SYNE1: variants seen among roughly 807,000 people sequenced by gnomAD.
SYNE1 encodes the protein nesprin-1.
In SYNE1, 616 loss-of-function variants were observed where a neutral mutation model predicts 1,111.0. The ratio of observed to expected loss-of-function variants is 0.55; its 90% CI spans 0.52 to 0.59. The LOEUF (loss-of-function observed/expected upper bound fraction) is 0.59, where lower values mean the gene tolerates loss of function less well. Ranked by LOEUF, SYNE1 falls within the 20% of genes least tolerant of loss-of-function variation. The pLI, the probability that SYNE1 is intolerant of heterozygous loss-of-function variation, is 0.00. For missense variants in SYNE1, 10,006 were observed against 10,417.0 expected, an observed-to-expected ratio of 0.96 and a Z score of 1.72; for synonymous variants, 3,855 against 3,825.8, an observed-to-expected ratio of 1.01 and a Z score of -0.28.
intron 91 of SYNE1, among the ~76,000 whole-genome samples, chr6:152,302,703 C>G (rs2095240466): frequency 6.6e-6 from 1 of 152,198 alleles, no homozygotes; most frequent in African/African-American, 2.4e-5. Context: ...TTGCTCACTT[C>G]ATCATGTCTC....
In SYNE1 at chr6:152,463,477, G is replaced by A; in HGVS notation, c.1973C>T (p.Thr658Ile). 6.2e-7 allele frequency: 1 copy of A among 1,613,612 alleles called. No homozygotes were observed. Among genetic ancestry groups the A allele is most frequent in the Non-Finnish European group, 8.5e-7 (1 of 1,179,680 alleles). ...RNLPHWIQQH[T>I]AMNDAGNFLI... ...AAAATTGCCAGCATCGTTCATGGCA[G>A]TATGCTGCTGAATCCAATGAGGTAA... The change falls in exon 19 of 146, where the codon ACT (threonine) becomes ATT (isoleucine). Residue 658 changes from threonine (T) to isoleucine (I), a missense_variant. By Grantham distance (89) the Thr-to-Ile change is moderately conservative. This residue lies in a region of SYNE1 where 1,971 missense variants were observed against 2,084.1 expected (regional missense o/e 0.95). Coordinates refer to ENST00000367255, the MANE Select transcript of SYNE1 (RefSeq NM_182961.4).
At chr6:152,379,301 T>G (rs922182560) in intron 56 of SYNE1, among the ~76,000 whole-genome samples, 1 of 152,104 alleles carries the variant, frequency 6.6e-6, no homozygotes, top group African/African-American at 2.4e-5. Context: ...CTTAAGAAAA[T>G]TATTTCCAAA....
At chr6:152,226,996 C>A (rs2081734127) in intron 115 of SYNE1, among the ~76,000 whole-genome samples, 1 of 152,094 alleles carries the variant, frequency 6.6e-6, no homozygotes, top group Non-Finnish European at 1.5e-5. Flanking sequence ...TTGGATAACA[C>A]CTCAATTGTA....
Position 152,331,213 on chromosome 6 carries a change from T to C in SYNE1, c.13472A>G (p.Lys4491Arg), listed in dbSNP as rs1296220888. The change falls in exon 78 of 146, where the codon AAA (lysine) becomes AGA (arginine). Residue 4491 changes from lysine to arginine, a missense_variant. By Grantham distance (26) the Lys-to-Arg change is conservative. Coordinates refer to ENST00000367255, the MANE Select transcript of SYNE1 (RefSeq NM_182961.4). Reference sequence around the variant, plus strand: ...TGCACTCTTACATGTTTTGACTTGTTTGCTCACATCATCTGGTAACAGACA... The same window carrying C: ...TGCACTCTTACATGTTTTGACTTGTCTGCTCACATCATCTGGTAACAGACA... ...HICLLPDDVS[K>R]QVKTCKSAQA... is the part of the protein sequence containing the mutation. 14 of 1,614,034 alleles carry C rather than the reference T, an allele frequency of 8.7e-6. No homozygotes were observed. Among genetic ancestry groups the C allele is most frequent in the Non-Finnish European group, 1.2e-5 (14 of 1,180,038 alleles).
chr6:152,382,202 T>G (rs895292159), intron 55 of SYNE1, among the ~76,000 whole-genome samples: 4 of 152,212 alleles, frequency 2.6e-5, no homozygotes, highest in Non-Finnish European at 5.9e-5. Context: ...GTTTATATAT[T>G]TACATATCTA....
chr6:152,568,626 G>A (rs1021511586), intron 3 of SYNE1, among the ~76,000 whole-genome samples: 6 of 151,570 alleles, frequency 4.0e-5, no homozygotes, highest in African/African-American at 1.5e-4. Context: ...TTAGAGACAG[G>A]GTCTCTCTAT....
chr6:152,416,349 A>G (rs769472434), intron 41 of SYNE1, 38 bp downstream of exon 41: 2 of 1,611,142 alleles, frequency 1.2e-6, no homozygotes, highest in Non-Finnish European at 1.7e-6. Flanking sequence ...CAAATACAAA[A>G]GAAAAGAGAC....
At chr6:152,317,641 T>C (rs967513612) in intron 86 of SYNE1, among the ~76,000 whole-genome samples, 5 of 152,232 alleles carry the variant, frequency 3.3e-5, no homozygotes, top group African/African-American at 9.6e-5. Flanking sequence ...CCTGATTATA[T>C]TAATCGATTT....
intron 115 of SYNE1, 75 bp from the exon 116 acceptor site, chr6:152,225,951 AT>A (rs1451010476): frequency 5.4e-6 from 8 of 1,470,688 alleles, no homozygotes; most frequent in African/African-American, 2.8e-5. Context: ...TTGGGCCATT[AT>A]AGTTTCATGT....
Position 152,244,637 on chromosome 6 carries a change from T to C in SYNE1, c.19592A>G (p.Asp6531Gly). 1 of 1,613,946 alleles carries C rather than the reference T, an allele frequency of 6.2e-7. No individual in the cohort carries two copies. Among genetic ancestry groups the C allele is most frequent in the South Asian group, 1.1e-5 (1 of 91,074 alleles). ...TCCTGCATCAAATTCTTTGAGTCCA[T>C]CTTCAGCCTGTTGTATTGCCTAAGT... ...EQIEAIQQAE[D>G]GLKEFDAGII... Residue 6531 changes from aspartate (D) to glycine (G), a missense_variant, in exon 106 of 146, where the codon GAT becomes GGT. Physicochemically the swap from Asp to Gly is moderately conservative, Grantham distance 94 (BLOSUM62 -1). Coordinates refer to ENST00000367255, the MANE Select transcript of SYNE1 (RefSeq NM_182961.4).
intron 108 of SYNE1, among the ~76,000 whole-genome samples, chr6:152,238,009 G>A (rs531529979): frequency 6.6e-6 from 1 of 152,114 alleles, no homozygotes; most frequent in Non-Finnish European, 1.5e-5. Context: ...CAATGCCTAG[G>A]GATCTGGGAG....
intron 42 of SYNE1, chr6:152,410,357 G>A (rs982060600): frequency 1.3e-5 from 2 of 151,446 alleles, no homozygotes; most frequent in Non-Finnish European, 2.9e-5. Flanking sequence ...TTAGTACTTG[G>A]ATGGGAGACC....
chr6:152,441,936 G>A, intron 31 of SYNE1, 139 bp downstream of exon 31: 1 of 1,028,810 alleles, frequency 9.7e-7, no homozygotes, highest in Non-Finnish European at 1.5e-6. Flanking sequence ...ATGATTAAAA[G>A]ATGGTTCATG....
At chr6:152,264,579 T>C (rs978506232) in intron 100 of SYNE1, among the ~76,000 whole-genome samples, 3 of 151,992 alleles carry the variant, frequency 2.0e-5, no homozygotes, top group Non-Finnish European at 4.4e-5. Context: ...AGAGGATCAC[T>C]TGAGCCCAGG....
Position 152,536,529 on chromosome 6 carries a change from C to G in SYNE1, c.129+3431G>C, listed in dbSNP as rs376590982. On this transcript the variant is annotated intron_variant, in intron 4 of 145. Coordinates refer to ENST00000367255, the MANE Select transcript of SYNE1 (RefSeq NM_182961.4). ...TCCTTACCTCTCATTTACTCATCAG[C>G]TCGCTAGAGTCTAGTTTCTACTATA... Among the ~76,000 whole-genome samples the G allele has an allele frequency of 4.1e-3, 603 of 148,220 alleles. 5 individuals are homozygous for G. The highest frequency in any genetic ancestry group is 0.013 in the African/African-American group (537 of 40,166).
At chr6:152,501,801 T>C (rs1230891939) in intron 10 of SYNE1, among the ~76,000 whole-genome samples, 1 of 152,004 alleles carries the variant, frequency 6.6e-6, no homozygotes, top group Non-Finnish European at 1.5e-5. Flanking sequence ...ATAAAAGCAT[T>C]GCTTATAACA....
Position 152,325,093 on chromosome 6 carries a change from A to G in SYNE1, c.15648T>C (p.Phe5216=). ...GGACAGTGGAAACTACCTTGTTGTTAAAGCCCGTCCACTCATCCACTGCAT... is the reference window on the plus strand; with the variant it reads ...GGACAGTGGAAACTACCTTGTTGTTGAAGCCCGTCCACTCATCCACTGCAT... ...LEDAVDEWTG[F]NNKVKKATEM... is the part of the protein sequence containing the mutation. The change falls in exon 81 of 146, where the codon TTT becomes TTC. Residue 5216 remains phenylalanine, a synonymous_variant. Coordinates refer to ENST00000367255, the MANE Select transcript of SYNE1 (RefSeq NM_182961.4). The G allele has an allele frequency of 6.2e-7, 1 of 1,614,052 alleles. No individual in the cohort carries two copies. The highest frequency in any genetic ancestry group is 8.5e-7 in the Non-Finnish European group (1 of 1,180,034).
At chr6:152,508,332 G>A (rs1188223768) in intron 8 of SYNE1, among the ~76,000 whole-genome samples, 1 of 152,142 alleles carries the variant, frequency 6.6e-6, no homozygotes, top group Non-Finnish European at 1.5e-5. Flanking sequence ...TCAGGCCCAG[G>A]ATTCTGGACA....
chr6:152,417,339 G>A (rs964717865), intron 40 of SYNE1, among the ~76,000 whole-genome samples: 1 of 152,074 alleles, frequency 6.6e-6, no homozygotes, highest in Non-Finnish European at 1.5e-5. Context: ...TCTACTAAGA[G>A]TACAAAAAAT....
Sources: gnomAD v4.1 joint callset for allele counts (sites outside exome capture counted in the v4.1 genomes callset) on GRCh38, gnomAD v4.1.1 for gene constraint, gnomAD v4.1.1 regional missense constraint, MANE v1.5 for transcripts, NCBI Gene and HGNC (gene_info 2026-07-23, HGNC 2026-07-21) for gene names.